Variants in GNPTAB observed in about 807,000 individuals in gnomAD.
The protein encoded by GNPTAB is N-acetylglucosamine-1-phosphate transferase subunits alpha and beta, also known as N-acetylglucosamine-1-phosphotransferase subunits alpha/beta.
In GNPTAB, 92 loss-of-function variants were observed where a neutral mutation model predicts 136.6. The ratio of observed to expected loss-of-function variants is 0.67; its 90% CI spans 0.57 to 0.80. The LOEUF is 0.80. Among genes scored for constraint, GNPTAB ranks in the 30% least tolerant of loss-of-function variants. The pLI, the probability that GNPTAB is intolerant of heterozygous loss-of-function variation, is 0.00. For missense variants in GNPTAB, 1,343 were observed against 1,501.8 expected (o/e 0.89, Z 1.75); for synonymous variants, 512 against 535.1 (o/e 0.96, Z 0.60).
At chr12:101,796,084 T>C (rs2137157901) in intron 2 of GNPTAB, 2 of 599,962 alleles carry the variant, frequency 3.3e-6, no homozygotes, top group South Asian at 2.0e-5. Context: ...TCCTCCCTCA[T>C]AGGTAAGCAG....
intron 1 of GNPTAB, among the ~76,000 whole-genome samples, chr12:101,825,767 C>G (rs1029569918): frequency 3.3e-5 from 5 of 152,228 alleles, no homozygotes; most frequent in African/African-American, 1.2e-4. Context: ...TAAAATGAGG[C>G]TCTTAGAAAT....
intron 1 of GNPTAB, among the ~76,000 whole-genome samples, chr12:101,817,587 G>A (rs1870570910): frequency 6.6e-6 from 1 of 151,996 alleles, no homozygotes; most frequent in Non-Finnish European, 1.5e-5. Flanking sequence ...CAGATTGTAT[G>A]CATGTATAAA....
Position 101,760,163 on chromosome 12 carries a change from T to C in GNPTAB, c.3136-20A>G. 2 of 1,391,860 alleles carry C rather than the reference T, an allele frequency of 1.4e-6. No individual in the cohort carries two copies. Among genetic ancestry groups the C allele is most frequent in the Admixed American group, 1.7e-5 (1 of 59,748 alleles). The allele number at this position is 1,391,860 out of a possible 1,614,324, so 86.2% of individuals were successfully genotyped here. On this transcript the variant is annotated intron_variant, in intron 15 of 20. Coordinates refer to ENST00000299314, the MANE Select transcript of GNPTAB (RefSeq NM_024312.5). ...CAAATCCTAACAAAGAAAAAGATGA[T>C]AAATCTGTTATGCGCATTGTAAGTA...
At chr12:101,788,619 T>G (rs546948175) in intron 3 of GNPTAB, 30 bp from the exon 4 acceptor site, 1 of 1,182,868 alleles carries the variant, frequency 8.5e-7, no homozygotes, top group African/African-American at 1.5e-5. Context: ...GTTTATTACA[T>G]ACATATGGGC....
intron 19 of GNPTAB, among the ~76,000 whole-genome samples, chr12:101,749,956 T>TG (rs1244344652): frequency 6.6e-6 from 1 of 152,150 alleles, no homozygotes; most frequent in Non-Finnish European, 1.5e-5. Context: ...GGGGTATGTG[T>TG]GACATAATCA....
chr12:101,794,070 T>C (rs1368224566), intron 2 of GNPTAB, among the ~76,000 whole-genome samples: 1 of 152,164 alleles, frequency 6.6e-6, no homozygotes. Context: ...CTTGAACTCC[T>C]GACCTCATGT....
At chr12:101,810,514 A>G (rs1870174524) in intron 1 of GNPTAB, 2 of 151,420 alleles carry the variant, frequency 1.3e-5, no homozygotes. Flanking sequence ...GGTCAAATTT[A>G]GCAACTGCTC....
At chr12:101,800,341 A>T (rs563003003) in intron 1 of GNPTAB, among the ~76,000 whole-genome samples, 5 of 152,100 alleles carry the variant, frequency 3.3e-5, no homozygotes, top group Middle Eastern at 3.4e-3. Context: ...ATTATAAAAA[A>T]TTTTTTAATT....
At chr12:101,815,607 A>C (rs1250529785) in intron 1 of GNPTAB, among the ~76,000 whole-genome samples, 1 of 133,870 alleles carries the variant, frequency 7.5e-6, no homozygotes, top group East Asian at 2.5e-4. Flanking sequence ...TGGACAACAT[A>C]GCAAGACCCT....
intron 1 of GNPTAB, among the ~76,000 whole-genome samples, chr12:101,819,678 G>A (rs1243499250): frequency 1.3e-5 from 2 of 152,128 alleles, no homozygotes; most frequent in African/African-American, 2.4e-5. Flanking sequence ...ACTTTTTCCT[G>A]TGTAATTTAG....
At chr12:101,805,490 G>A (rs1869885262) in intron 1 of GNPTAB, among the ~76,000 whole-genome samples, 1 of 152,146 alleles carries the variant, frequency 6.6e-6, no homozygotes, top group Non-Finnish European at 1.5e-5. Flanking sequence ...TGAGCCTAGG[G>A]CTCAGGCAAT....
chr12:101,765,415 G>A (rs1358238147), intron 12 of GNPTAB, 111 bp from the exon 13 acceptor site: 4 of 776,312 alleles, frequency 5.2e-6, no homozygotes, highest in Non-Finnish European at 8.8e-6. Flanking sequence ...AAATAATAGG[G>A]AATGCATCAT....
intron 2 of GNPTAB, among the ~76,000 whole-genome samples, chr12:101,794,458 G>C (rs1394027089): frequency 2.0e-5 from 3 of 151,700 alleles, no homozygotes; most frequent in Non-Finnish European, 4.4e-5. Flanking sequence ...AGACCAGCCT[G>C]GGCAATACAG....
At chr12:101,814,213 C>G (rs1165186740) in intron 1 of GNPTAB, among the ~76,000 whole-genome samples, 1 of 151,508 alleles carries the variant, frequency 6.6e-6, no homozygotes, top group Admixed American at 6.6e-5. Flanking sequence ...GCAGGAGAAT[C>G]ACTTGAACAC....
At chr12:101,790,179 A>G in intron 2 of GNPTAB, 122 bp from the exon 3 acceptor site, 3 of 1,299,800 alleles carry the variant, frequency 2.3e-6, no homozygotes, top group Non-Finnish European at 3.3e-6. Flanking sequence ...TAATCCAACC[A>G]TGACATATTA....
Position 101,780,610 on chromosome 12 carries a change from G to A in GNPTAB, c.583C>T (p.His195Tyr), listed in dbSNP as rs949848883. 1.9e-6 allele frequency: 3 copies of A among 1,608,512 alleles called. No individual in the cohort carries two copies. The highest frequency in any genetic ancestry group is 1.7e-6 in the Non-Finnish European group (2 of 1,175,134). The change falls in exon 6 of 21, where the codon CAC (histidine) becomes TAC (tyrosine). Residue 195 changes from histidine to tyrosine, a missense_variant. His to Tyr is a moderately conservative substitution (Grantham distance 83, BLOSUM62 2). Transcript: ENST00000299314. ...CTATTTCCTTTAAGCAGTCCAGAGT[G>A]GGCATCTTCAACTACAACCAAGAAT... is the stretch of plus-strand genomic sequence containing the variant. ...FDSTKDVEDAHSGLLKGNSRQ... is the reference protein window; with the variant it reads ...FDSTKDVEDAYSGLLKGNSRQ...
At chr12:101,815,649 A>G (rs1417138028) in intron 1 of GNPTAB, among the ~76,000 whole-genome samples, 1 of 152,098 alleles carries the variant, frequency 6.6e-6, no homozygotes, top group Non-Finnish European at 1.5e-5. Flanking sequence ...CCTCTCTCTA[A>G]AAACAAAGAC....
chr12:101,796,878 ATGT>A, intron 1 of GNPTAB, 116 bp from the exon 2 acceptor site: 1 of 726,106 alleles, frequency 1.4e-6, no homozygotes, highest in East Asian at 2.5e-5. Flanking sequence ...ATCAAAATTC[ATGT>A]ATTCACTTAC....
intron 2 of GNPTAB, among the ~76,000 whole-genome samples, chr12:101,790,264 A>G (rs570029335): frequency 1.3e-5 from 2 of 152,332 alleles, no homozygotes; most frequent in South Asian, 4.1e-4. Context: ...GAGTTGTATT[A>G]TGCTAGACAC....
Sources: gnomAD v4.1 joint callset for allele counts (sites outside exome capture counted in the v4.1 genomes callset) on GRCh38, gnomAD v4.1.1 for gene constraint, MANE v1.5 for transcripts, NCBI Gene and HGNC (gene_info 2026-07-23, HGNC 2026-07-21) for gene names.